VPS13D: variants seen among roughly 807,000 people sequenced by gnomAD.
The protein encoded by VPS13D is vacuolar protein sorting 13 homolog D, also known as intermembrane lipid transfer protein VPS13D.
A neutral mutation model predicts 461.9 loss-of-function variants in VPS13D; 187 were observed. The observed-to-expected ratio is 0.40, with a 90% CI of 0.36 to 0.46. The LOEUF (loss-of-function observed/expected upper bound fraction) is 0.46, where lower values mean the gene tolerates loss of function less well. Ranked by LOEUF, VPS13D falls within the 20% of genes least tolerant of loss-of-function variation. VPS13D has a pLI of 0.60. For missense variants in VPS13D, 4,711 were observed against 5,364.9 expected (o/e 0.88, Z 3.81); for synonymous variants, 1,951 against 1,986.3 (o/e 0.98, Z 0.47).
chr1:12,451,969 A>G (rs1240805793), intron 65 of VPS13D, among the ~76,000 whole-genome samples: 1 of 152,226 alleles, frequency 6.6e-6, no homozygotes, highest in Non-Finnish European at 1.5e-5. Flanking sequence ...CATTTTGAAA[A>G]GGAGGAAAAC....
intron 65 of VPS13D, among the ~76,000 whole-genome samples, chr1:12,437,412 G>T (rs1645076075): frequency 6.6e-6 from 1 of 152,136 alleles, no homozygotes; most frequent in Admixed American, 6.5e-5. Context: ...GTGCAATTTG[G>T]AGCTCAACAG....
At chr1:12,400,693 C>T (rs563572878) in intron 61 of VPS13D, among the ~76,000 whole-genome samples, 1 of 152,174 alleles carries the variant, frequency 6.6e-6, no homozygotes, top group East Asian at 1.9e-4. Context: ...TGGCTCTCAC[C>T]TGTAATCTCA....
In VPS13D at chr1:12,354,100, C is replaced by T; in HGVS notation, c.9558C>T (p.Ile3186=). 6.2e-7 allele frequency: 1 copy of T among 1,614,168 alleles called. No individual in the cohort carries two copies. Among genetic ancestry groups the T allele is most frequent in the Non-Finnish European group, 8.5e-7 (1 of 1,180,032 alleles). ...TATATCTCCTGCCAACTGTGGTAAT[C>T]TGCAACTTGCTACCCTGTGAACTTG... The part of the protein sequence containing the change: ...HTIYLLPTVV[I]CNLLPCELDF... Residue 3186 remains isoleucine (I), a synonymous_variant, in exon 47 of 70, where the codon ATC becomes ATT. Transcript: ENST00000620676.
chr1:12,468,617 G>A (rs78578274), intron 67 of VPS13D, among the ~76,000 whole-genome samples: 4,892 of 152,298 alleles, frequency 0.032, 157 homozygotes, highest in Admixed American at 0.11. Context: ...TTGCCCTGAT[G>A]TATTTATCTG....
intron 67 of VPS13D, among the ~76,000 whole-genome samples, chr1:12,484,594 T>C (rs1645771562): frequency 6.6e-6 from 1 of 152,214 alleles, no homozygotes; most frequent in Non-Finnish European, 1.5e-5. Context: ...AGTAAGATAC[T>C]TCCTTATGTG....
intron 44 of VPS13D, among the ~76,000 whole-genome samples, chr1:12,348,158 A>T (rs1643716892): frequency 6.6e-6 from 1 of 152,268 alleles, no homozygotes. Flanking sequence ...ACCAATGCAG[A>T]CAATTCTTTC....
rs1338362845 is a variant in VPS13D at position 12,425,909 on chromosome 1, C to T, written c.12333+9082C>T. ...TTCTCAGGTATAATCTTTTACCAAA[C>T]TCAAAAGGTTGTAGAAGCAAAACCA... On this transcript the variant is annotated intron_variant, in intron 65 of 69. Coordinates refer to ENST00000620676, the MANE Select transcript of VPS13D (RefSeq NM_015378.4). Among the ~76,000 whole-genome samples the T allele has an allele frequency of 3.3e-5, 5 of 152,232 alleles. No homozygotes were observed. In the East Asian group the frequency reaches 9.6e-4, roughly 29 times the overall value.
Position 12,507,988 on chromosome 1 carries a change from C to T in VPS13D, c.13035+895C>T, listed in dbSNP as rs574833591. Among the ~76,000 whole-genome samples, 1 of 152,374 alleles carries T rather than the reference C, an allele frequency of 6.6e-6. No individual in the cohort carries two copies. Among genetic ancestry groups the T allele is most frequent in the Admixed American group, 6.5e-5 (1 of 15,304 alleles). ...CTCTATGGATCGGAAATAGCGCCAG[C>T]CTTATTGGGCCTCTCTCCTCCGGAG... On this transcript the variant is annotated intron_variant, in intron 69 of 69. Coordinates refer to ENST00000620676, the MANE Select transcript of VPS13D (RefSeq NM_015378.4). This position sits in a 1 kb window ranked among gnomAD's most constrained non-coding sequence, Gnocchi z 5.3.
chr1:12,297,917 C>T (rs1642318682), intron 24 of VPS13D, among the ~76,000 whole-genome samples: 3 of 152,256 alleles, frequency 2.0e-5, no homozygotes, highest in Middle Eastern at 6.8e-3. Flanking sequence ...TAACTCTTAG[C>T]CCTGGTTGTC....
At chr1:12,232,950 A>G (rs575295705) in intron 1 of VPS13D, among the ~76,000 whole-genome samples, 1 of 152,036 alleles carries the variant, frequency 6.6e-6, no homozygotes, top group East Asian at 1.9e-4. Flanking sequence ...AGGATCATTA[A>G]AGAATGTGAA....
chr1:12,396,976 C>T (rs927974045), intron 60 of VPS13D, among the ~76,000 whole-genome samples: 2 of 152,126 alleles, frequency 1.3e-5, no homozygotes, highest in African/African-American at 4.8e-5. Flanking sequence ...CTCTGTCGCC[C>T]AGGCTGGAGT....
chr1:12,290,567 AG>A (rs1282465570), intron 22 of VPS13D, among the ~76,000 whole-genome samples: 1 of 152,052 alleles, frequency 6.6e-6, no homozygotes, highest in Non-Finnish European at 1.5e-5. Flanking sequence ...CTAAAAATAC[AG>A]AAAATTAGTC....
At chr1:12,304,322 G>A (rs1642501567) in intron 25 of VPS13D, among the ~76,000 whole-genome samples, 184 bp from the exon 26 acceptor site, 1 of 152,172 alleles carries the variant, frequency 6.6e-6, no homozygotes, top group South Asian at 2.1e-4. Context: ...GGCAGTAAAT[G>A]TCGTGATCCT....
chr1:12,238,738 C>T (rs945124732), intron 2 of VPS13D, among the ~76,000 whole-genome samples: 10 of 151,410 alleles, frequency 6.6e-5, no homozygotes, highest in Middle Eastern at 3.4e-3. Context: ...GATCCTGAAG[C>T]GATCCTCCTG....
intron 41 of VPS13D, 121 bp from the exon 42 acceptor site, chr1:12,342,778 A>C: frequency 8.4e-7 from 1 of 1,190,582 alleles, no homozygotes; most frequent in Non-Finnish European, 1.1e-6. Context: ...TAGCTAGGTC[A>C]TGCAGCCTTT....
chr1:12,496,004 G>T (rs773413024), intron 67 of VPS13D, among the ~76,000 whole-genome samples: 1 of 152,136 alleles, frequency 6.6e-6, no homozygotes, highest in Non-Finnish European at 1.5e-5. Flanking sequence ...CCCCTCTACC[G>T]CCCTCCCCAC....
At chr1:12,364,684 G>A (rs1343151984) in intron 52 of VPS13D, among the ~76,000 whole-genome samples, 2 of 152,134 alleles carry the variant, frequency 1.3e-5, no homozygotes, top group Admixed American at 6.5e-5. Context: ...TGATAGTCCC[G>A]CCTCTGTATA....
At chr1:12,408,927 A>T (rs2101696422) in intron 63 of VPS13D, among the ~76,000 whole-genome samples, 1 of 151,570 alleles carries the variant, frequency 6.6e-6, no homozygotes, top group East Asian at 1.9e-4. Flanking sequence ...AAAGGTCCAG[A>T]TTTTTCTCTG....
intron 68 of VPS13D, among the ~76,000 whole-genome samples, chr1:12,506,024 C>A (rs1260990483): frequency 2.0e-5 from 3 of 152,226 alleles, no homozygotes; most frequent in Non-Finnish European, 4.4e-5. Context: ...ACTCCGTCGT[C>A]AGCCTTTAGT....
Sources: gnomAD v4.1 joint callset for allele counts (sites outside exome capture counted in the v4.1 genomes callset) on GRCh38, gnomAD v4.1.1 for gene constraint, Gnocchi (gnomAD v3.1) non-coding constraint, MANE v1.5 for transcripts, NCBI Gene and HGNC (gene_info 2026-07-23, HGNC 2026-07-21) for gene names.